The following HIBCH variants were observed in gnomAD, a reference collection of about 807,000 sequenced individuals.
The protein encoded by HIBCH is 3-hydroxyisobutyryl-CoA hydrolase, also known as 3-hydroxyisobutyryl-CoA hydrolase, mitochondrial.
A neutral mutation model predicts 58.2 loss-of-function variants in HIBCH; 50 were observed. That is an observed-to-expected ratio of 0.86 (90% confidence interval 0.68 to 1.09). The LOEUF is 1.09. Ranked by LOEUF, HIBCH falls within the 50% of genes least tolerant of loss-of-function variation. HIBCH has a pLI of 0.00. For synonymous variants in HIBCH, 151 were observed against 146.9 expected, an observed-to-expected ratio of 1.03 and a Z score of -0.20; for missense variants, 450 against 449.7, an observed-to-expected ratio of 1.00 and a Z score of -0.01.
chr2:190,202,294 A>C (rs184516005), downstream of HIBCH: 1 of 167,180 alleles, frequency 6.0e-6, no homozygotes, highest in Non-Finnish European at 1.5e-5. Context: ...CTTCTGTACA[A>C]TATTTCTGAA....
chr2:190,213,009 T>C lies in HIBCH; in HGVS notation c.958A>G (p.Lys320Glu), dbSNP rs750514913. The C allele has an allele frequency of 2.5e-6, 4 of 1,610,716 alleles. No individual in the cohort carries two copies. Among genetic ancestry groups the C allele is most frequent in the East Asian group, 2.2e-5 (1 of 44,814 alleles). The change falls in exon 12 of 14, where the codon AAG (lysine) becomes GAG (glutamate). Residue 320 changes from lysine to glutamate, a missense_variant. Transcript: ENST00000359678. ...ATAGTTAGTACTTCTTGCAAGGTCT[T>C]TGAAGACCCCTCCATGAGTTGCCTT... Reference protein sequence around the residue: ...TLRQLMEGSSKTLQEVLTMEY... With the variant: ...TLRQLMEGSSETLQEVLTMEY...
chr2:190,205,811 C>T (rs1690375534), intron 13 of HIBCH, among the ~76,000 whole-genome samples: 1 of 152,096 alleles, frequency 6.6e-6, no homozygotes, highest in Non-Finnish European at 1.5e-5. Context: ...GTGTAGTCAT[C>T]ACTCATCATA....
Position 190,244,036 on chromosome 2 carries a change from T to C in HIBCH, c.891+851A>G, listed in dbSNP as rs908806918. ...ATGTTTTCACCTTTACAGGTAAGACTATCAAAATTTTTTCTCAATATGTTT... is the reference window on the plus strand; with the variant it reads ...ATGTTTTCACCTTTACAGGTAAGACCATCAAAATTTTTTCTCAATATGTTT... On this transcript the variant is annotated intron_variant, in intron 11 of 13. Transcript: ENST00000359678. 2.0e-5 allele frequency among the ~76,000 whole-genome samples: 3 copies of C among 152,146 alleles called. No individual in the cohort carries two copies. The East Asian group carries it at 5.8e-4, about 29-fold the overall frequency.
At chr2:190,226,985 T>C (rs1350810268) in intron 11 of HIBCH, among the ~76,000 whole-genome samples, 1 of 152,134 alleles carries the variant, frequency 6.6e-6, no homozygotes, top group Non-Finnish European at 1.5e-5. Flanking sequence ...ATCAATATCA[T>C]GAAAATGGCC....
chr2:190,305,229 A>C (rs1321051668), intron 2 of HIBCH, among the ~76,000 whole-genome samples: 1 of 152,122 alleles, frequency 6.6e-6, no homozygotes, highest in Non-Finnish European at 1.5e-5. Context: ...AGAGCTTGGA[A>C]GTTCACTGGA....
rs1412558845 is a variant in HIBCH at position 190,217,491 on chromosome 2, A to G, written c.892-4416T>C. Among the ~76,000 whole-genome samples, 2 of 152,192 alleles carry G rather than the reference A, an allele frequency of 1.3e-5. No homozygotes were observed. Among genetic ancestry groups the G allele is most frequent in the African/African-American group, 2.4e-5 (1 of 41,436 alleles). On this transcript the variant is annotated intron_variant, in intron 11 of 13. Transcript: ENST00000359678. This position sits in a 1 kb window ranked among gnomAD's most constrained non-coding sequence, Gnocchi z 4.6. The stretch of plus-strand genomic sequence containing the variant: ...GAACGAGATTCTGTCTTAAAACAAA[A>G]AAACAGACTACTGGAAAAAGACCTC...
chr2:190,234,628 T>A (rs1686208393), intron 11 of HIBCH, among the ~76,000 whole-genome samples: 1 of 152,136 alleles, frequency 6.6e-6, no homozygotes, highest in Non-Finnish European at 1.5e-5. Flanking sequence ...GGCGGGTGGA[T>A]CAACTGAGGT....
Position 190,319,804 on chromosome 2 carries a change from A to G in HIBCH, c.-54T>C. The G allele has an allele frequency of 1.3e-6, 2 of 1,585,990 alleles. No homozygotes were observed. The highest frequency in any genetic ancestry group is 1.7e-6 in the Non-Finnish European group (2 of 1,165,218). On this transcript the variant is annotated 5_prime_UTR_variant, in exon 1 of 14. Transcript: ENST00000359678. The stretch of plus-strand genomic sequence containing the variant: ...GAGCGAGAATCTCCCGGACCGTTCC[A>G]GCGCCTCGCGTGAGCCCCGCCCACC...
rs1431951754 is a variant in HIBCH, at chr2:190,194,475, TATAC to T, written c.*18-4482_*18-4479del. 1.2e-3 allele frequency among the ~76,000 whole-genome samples: 154 copies of T among 126,906 alleles called. 1 individual carries two copies. The highest frequency in any genetic ancestry group is 3.0e-3 in the African/African-American group (88 of 29,672). The allele number at this position is 126,906 out of a possible 152,430, so 83.3% of individuals were successfully genotyped here. On this transcript the variant is annotated intron_variant, in intron 1 of 1. Transcript: ENST00000399855. ...AAGTAGTGTTCCCACGTATCCTGTG[TATAC>T]ACACACACACACACACACACACACA...
chr2:190,310,608 T>C (rs919164614), intron 2 of HIBCH, 146 bp downstream of exon 2: 6 of 739,998 alleles, frequency 8.1e-6, no homozygotes, highest in Non-Finnish European at 1.2e-5. Context: ...ACAAGGTGCG[T>C]GTGCCATGTC....
chr2:190,256,095 A>C (rs1357330233), intron 7 of HIBCH, among the ~76,000 whole-genome samples: 1 of 152,092 alleles, frequency 6.6e-6, no homozygotes, highest in African/African-American at 2.4e-5. Context: ...GTAAGAACTC[A>C]CTATCATGAG....
intron 2 of HIBCH, among the ~76,000 whole-genome samples, chr2:190,310,361 C>T (rs1236038056): frequency 6.6e-6 from 1 of 152,192 alleles, no homozygotes; most frequent in Non-Finnish European, 1.5e-5. Context: ...TTCATATATA[C>T]ATATGTCCTA....
At chr2:190,270,312 C>A (rs1687359405) in intron 6 of HIBCH, among the ~76,000 whole-genome samples, 2 of 148,144 alleles carry the variant, frequency 1.4e-5, no homozygotes, top group African/African-American at 2.5e-5. Flanking sequence ...TATTTTAAGG[C>A]ATAGTTAACC....
chr2:190,200,484 T>A, downstream of HIBCH: 1 of 210,044 alleles, frequency 4.8e-6, no homozygotes, highest in Admixed American at 5.3e-5. Flanking sequence ...TTCCAATGGT[T>A]GAAGTTTATC....
intron 6 of HIBCH, among the ~76,000 whole-genome samples, chr2:190,278,993 C>A (rs1451304000): frequency 6.6e-6 from 1 of 152,054 alleles, no homozygotes; most frequent in Non-Finnish European, 1.5e-5. Context: ...TGAGACTGGG[C>A]AATTTATAAA....
chr2:190,241,081 C>T (rs2105929598), intron 11 of HIBCH, among the ~76,000 whole-genome samples: 1 of 152,280 alleles, frequency 6.6e-6, no homozygotes, highest in East Asian at 1.9e-4. Flanking sequence ...TGTTCAAAGT[C>T]TCTCACTATT....
intron 1 of HIBCH, among the ~76,000 whole-genome samples, chr2:190,193,178 A>AT (rs1306930526): frequency 6.6e-6 from 1 of 151,942 alleles, no homozygotes; most frequent in Non-Finnish European, 1.5e-5. Context: ...AAAAAATGGT[A>AT]TTTTATCAAA....
chr2:190,245,935 A>C (rs1686592576), intron 10 of HIBCH, among the ~76,000 whole-genome samples: 1 of 148,882 alleles, frequency 6.7e-6, no homozygotes, highest in Non-Finnish European at 1.5e-5. Context: ...GGCTGCAGTG[A>C]GCTGAGATTG....
At chr2:190,264,529 C>T (rs2664269) in intron 6 of HIBCH, among the ~76,000 whole-genome samples, 41,957 of 151,986 alleles carry the variant, frequency 0.28, 6,281 homozygotes, top group East Asian at 0.46. Context: ...TCTGGTTTAT[C>T]TAGATATAAA....
Sources: allele counts gnomAD v4.1 joint callset (sites outside exome capture counted in the v4.1 genomes callset), GRCh38; gene constraint gnomAD v4.1.1; non-coding constraint Gnocchi (gnomAD v3.1); transcripts MANE v1.5; gene names NCBI Gene and HGNC (gene_info 2026-07-23, HGNC 2026-07-21).